Variants in NRXN3 observed in about 807,000 individuals in gnomAD.
NRXN3 encodes neurexin 3.
Under a neutral mutation model 137.6 loss-of-function variants are expected in NRXN3, and 32 were observed. The observed-to-expected ratio is 0.23, with a 90% CI of 0.18 to 0.31. The LOEUF (loss-of-function observed/expected upper bound fraction) is 0.31. Ranked by LOEUF, NRXN3 falls within the 10% of genes least tolerant of loss-of-function variation. The pLI is 1.00. For synonymous variants in NRXN3, 798 were observed against 784.5 expected, an observed-to-expected ratio of 1.02 and a Z score of -0.29; for missense variants, 1,574 against 2,062.5, an observed-to-expected ratio of 0.76 and a Z score of 4.59.
chr14:79,850,559 A>G (rs2099389440), intron 20 of NRXN3, among the ~76,000 whole-genome samples: 1 of 152,204 alleles, frequency 6.6e-6, no homozygotes, highest in Non-Finnish European at 1.5e-5. Context: ...TTGATTTTAC[A>G]TTTAGACAGA....
intron 10 of NRXN3, among the ~76,000 whole-genome samples, chr14:78,887,132 C>T (rs1240169498): frequency 6.6e-6 from 1 of 152,134 alleles, no homozygotes; most frequent in Non-Finnish European, 1.5e-5. Flanking sequence ...GTGTGCTCGA[C>T]ACTGTACCAA....
intron 15 of NRXN3, among the ~76,000 whole-genome samples, chr14:79,441,366 CTTTTTTTTTTTTTTTTTTT>C (rs869170695): frequency 3.0e-5 from 2 of 67,232 alleles, no homozygotes; most frequent in African/African-American, 6.2e-5. Flanking sequence ...AACAGAAAAT[CTTTTTTTTTTTTTTTTTTT>C]TTTTTTTTTT....
At chr14:78,954,294 A>G (rs2099392494) in intron 10 of NRXN3, among the ~76,000 whole-genome samples, 1 of 152,242 alleles carries the variant, frequency 6.6e-6, no homozygotes, top group East Asian at 1.9e-4. Flanking sequence ...GGGTTTTACA[A>G]AATCCCACTG....
intron 15 of NRXN3, among the ~76,000 whole-genome samples, chr14:79,412,719 G>T (rs2095435079): frequency 7.2e-6 from 1 of 138,620 alleles, no homozygotes; most frequent in Admixed American, 7.8e-5. Context: ...GGTGGCGGAG[G>T]TTGTAATGAG....
intron 16 of NRXN3, among the ~76,000 whole-genome samples, chr14:79,514,264 C>T (rs1315967644): frequency 6.9e-6 from 1 of 144,012 alleles, no homozygotes; most frequent in Non-Finnish European, 1.5e-5. Context: ...CATTTTCGTT[C>T]TTGGGGCAGT....
chr14:78,518,808 A>T (rs1032598790), intron 4 of NRXN3, among the ~76,000 whole-genome samples: 1 of 152,098 alleles, frequency 6.6e-6, no homozygotes, highest in East Asian at 1.9e-4. Flanking sequence ...AAGTTTTCCT[A>T]CACCAAAGCA....
chr14:79,366,697 C>A (rs1357436683), intron 15 of NRXN3, among the ~76,000 whole-genome samples: 1 of 152,118 alleles, frequency 6.6e-6, no homozygotes, highest in Admixed American at 6.5e-5. Context: ...ATATATAATT[C>A]TACCAAGAAG....
intron 4 of NRXN3, among the ~76,000 whole-genome samples, chr14:78,639,811 C>T (rs1368596109): frequency 6.6e-6 from 1 of 152,020 alleles, no homozygotes; most frequent in African/African-American, 2.4e-5. Context: ...CCTTGTATGA[C>T]CCCTGTAAAC....
intron 16 of NRXN3, among the ~76,000 whole-genome samples, chr14:79,538,479 T>C (rs1262416223): frequency 1.3e-5 from 2 of 152,182 alleles, no homozygotes; most frequent in Non-Finnish European, 2.9e-5. Context: ...AATTTTTGTA[T>C]AAGGTGTAAG....
At chr14:78,526,441 A>C (rs893473471) in intron 4 of NRXN3, among the ~76,000 whole-genome samples, 7 of 152,226 alleles carry the variant, frequency 4.6e-5, no homozygotes, top group Admixed American at 2.6e-4. Flanking sequence ...TGGAGTCAGG[A>C]AAACTATATT....
At chr14:78,476,039 T>C (rs1381011064) in intron 4 of NRXN3, among the ~76,000 whole-genome samples, 1 of 152,108 alleles carries the variant, frequency 6.6e-6, no homozygotes, top group Non-Finnish European at 1.5e-5. Context: ...GGGAGGGGAA[T>C]ACACAGTAAA....
intron 20 of NRXN3, among the ~76,000 whole-genome samples, chr14:79,839,869 A>C (rs2099352213): frequency 6.6e-6 from 1 of 152,186 alleles, no homozygotes; most frequent in Non-Finnish European, 1.5e-5. Context: ...ATATCCAAAA[A>C]CATTTATTGT....
chr14:79,315,968 A>G (rs2088557572), intron 15 of NRXN3, among the ~76,000 whole-genome samples: 1 of 152,218 alleles, frequency 6.6e-6, no homozygotes, highest in African/African-American at 2.4e-5. Context: ...ATGATGTCAC[A>G]TGTAAATAGC....
At chr14:78,532,375 TTGTGTGTGTGTGTGTG>T (rs56788209) in intron 4 of NRXN3, among the ~76,000 whole-genome samples, 23 of 138,658 alleles carry the variant, frequency 1.7e-4, no homozygotes, top group Middle Eastern at 3.8e-3. Context: ...TGATGATATT[TTGTGTGTGTGTGTGTG>T]TGTGTGTGTG....
At position 79,740,708 on chromosome 14, in the gene NRXN3, TTTTTTATATATA is replaced by T. The variant is rs1248381455; in HGVS notation, c.4014+42773_4014+42784del. ...CCTTTCCACTGGACTTTGCATTTAGTTTTTTATATATATATATATATATATATATATATATAT... is the reference window on the plus strand; with the variant it reads ...CCTTTCCACTGGACTTTGCATTTAGTTATATATATATATATATATATATAT... On this transcript the variant is annotated intron_variant, in intron 19 of 20. Transcript: ENST00000335750. 1.8e-3 allele frequency among the ~76,000 whole-genome samples: 62 copies of T among 35,162 alleles called. 1 individual carries two copies. Among genetic ancestry groups the T allele is most frequent in the African/African-American group, 7.4e-3 (59 of 7,936 alleles). 23.1% of individuals were successfully genotyped at this position (35,162 alleles called of 152,430 possible).
intron 10 of NRXN3, among the ~76,000 whole-genome samples, chr14:78,951,766 C>T (rs2099387565): frequency 6.6e-6 from 1 of 152,108 alleles, no homozygotes; most frequent in South Asian, 2.1e-4. Context: ...TGCCTGGTTG[C>T]CTTCTGATGC....
At chr14:78,914,449 G>A (rs941988526) in intron 10 of NRXN3, among the ~76,000 whole-genome samples, 9 of 152,160 alleles carry the variant, frequency 5.9e-5, no homozygotes, top group African/African-American at 2.2e-4. Context: ...AAAAAGGATA[G>A]GGTATGTCAG....
At chr14:78,639,515 G>T (rs894524797) in intron 4 of NRXN3, among the ~76,000 whole-genome samples, 4 of 152,176 alleles carry the variant, frequency 2.6e-5, no homozygotes, top group African/African-American at 9.7e-5. Flanking sequence ...TATCTTCTCA[G>T]ATTGGCTTTT....
intron 4 of NRXN3, among the ~76,000 whole-genome samples, chr14:78,476,713 C>T (rs1300349663): frequency 6.6e-6 from 1 of 151,804 alleles, no homozygotes; most frequent in Non-Finnish European, 1.5e-5. Context: ...CCCCAGCACC[C>T]CTGAGATAAT....
Sources: allele counts gnomAD v4.1 joint callset (sites outside exome capture counted in the v4.1 genomes callset), GRCh38; gene constraint gnomAD v4.1.1; transcripts MANE v1.5; gene names NCBI Gene and HGNC (gene_info 2026-07-23, HGNC 2026-07-21).